The following ASTN2 variants were observed in gnomAD, a reference collection of about 807,000 sequenced individuals.
ASTN2 encodes astrotactin-2.
A neutral mutation model predicts 139.8 loss-of-function variants in ASTN2; 54 were observed. That is an observed-to-expected ratio of 0.39 (90% CI 0.31 to 0.48). The LOEUF (loss-of-function observed/expected upper bound fraction) is 0.48, where lower values mean the gene tolerates loss of function less well. Ranked by LOEUF, ASTN2 falls within the 20% of genes least tolerant of loss-of-function variation. The pLI is 0.95. For missense variants in ASTN2, 1,565 were observed against 1,725.1 expected, an observed-to-expected ratio of 0.91 and a Z score of 1.64; for synonymous variants, 756 against 719.5, an observed-to-expected ratio of 1.05 and a Z score of -0.81.
At chr9:117,392,904 C>T (rs552429883) in intron 1 of ASTN2, among the ~76,000 whole-genome samples, 2 of 152,300 alleles carry the variant, frequency 1.3e-5, no homozygotes, top group African/African-American at 4.8e-5. Context: ...CAGGTCTCTA[C>T]CAGCTGCTCT....
chr9:116,920,567 A>G (rs749372418), intron 10 of ASTN2, among the ~76,000 whole-genome samples: 1 of 152,232 alleles, frequency 6.6e-6, no homozygotes, highest in Non-Finnish European at 1.5e-5. Context: ...ATGCTTTACC[A>G]TGATTTAGGT....
chr9:116,772,237 G>A (rs1829971101), intron 13 of ASTN2, among the ~76,000 whole-genome samples: 1 of 152,152 alleles, frequency 6.6e-6, no homozygotes, highest in South Asian at 2.1e-4. Context: ...TGTCACGGGA[G>A]GGACGTGGTG....
At chr9:116,580,650 T>C (rs906628717) in intron 19 of ASTN2, among the ~76,000 whole-genome samples, 3 of 152,182 alleles carry the variant, frequency 2.0e-5, no homozygotes, top group Non-Finnish European at 4.4e-5. Flanking sequence ...ATGAAAACCA[T>C]AAAAGATCCC....
chr9:116,908,091 G>A lies in ASTN2; in HGVS notation c.1890-44358C>T, dbSNP rs142925184. On this transcript the variant is annotated intron_variant, in intron 10 of 22. Transcript: ENST00000313400. ...AGCATAAAGGCTTGCAGGGTGAGGCGTGTGGGCGAAAAGAAATGACACAGT... is the reference window on the plus strand; with the variant it reads ...AGCATAAAGGCTTGCAGGGTGAGGCATGTGGGCGAAAAGAAATGACACAGT... 2.8e-3 allele frequency among the ~76,000 whole-genome samples: 427 copies of A among 152,274 alleles called. 3 individuals carry two copies. The highest frequency in any genetic ancestry group is 0.014 in the Middle Eastern group (4 of 294).
chr9:117,313,935 C>G (rs1486773442), intron 1 of ASTN2, among the ~76,000 whole-genome samples: 1 of 152,174 alleles, frequency 6.6e-6, no homozygotes, highest in East Asian at 1.9e-4. Context: ...ACACTTACCT[C>G]CATGCTTCCT....
At chr9:117,203,839 G>A (rs1462530684) in intron 3 of ASTN2, among the ~76,000 whole-genome samples, 2 of 152,192 alleles carry the variant, frequency 1.3e-5, no homozygotes, top group East Asian at 1.9e-4. Context: ...CAGTTGGATG[G>A]CATGGAGAGA....
chr9:116,643,956 A>ATGTG (rs1285792288), intron 17 of ASTN2, among the ~76,000 whole-genome samples: 1 of 152,228 alleles, frequency 6.6e-6, no homozygotes, highest in Admixed American at 6.5e-5. Flanking sequence ...TTGAAGGCAC[A>ATGTG]GTCTGTGTCT....
intron 19 of ASTN2, chr9:116,569,008 A>G (rs4836763): frequency 0.16 from 24,202 of 152,178 alleles, 2,099 homozygotes; most frequent in African/African-American, 0.21. Context: ...GGTTGGTCCA[A>G]GGAACAGTAG....
intron 19 of ASTN2, among the ~76,000 whole-genome samples, chr9:116,565,976 C>A (rs1340172238): frequency 1.3e-5 from 2 of 152,174 alleles, no homozygotes; most frequent in Non-Finnish European, 2.9e-5. Flanking sequence ...CTTCCACATC[C>A]AGCAGCCTTC....
chr9:116,616,802 C>T (rs1053730059), intron 19 of ASTN2, among the ~76,000 whole-genome samples: 26 of 151,344 alleles, frequency 1.7e-4, no homozygotes, highest in Admixed American at 1.6e-3. Flanking sequence ...CACACACACA[C>T]ACAAAATACA....
chr9:117,307,070 A>C (rs1200070938), intron 1 of ASTN2, among the ~76,000 whole-genome samples: 2 of 152,210 alleles, frequency 1.3e-5, no homozygotes, highest in East Asian at 3.9e-4. Flanking sequence ...TAGGTACACA[A>C]AAAGCCATGT....
At chr9:116,606,897 G>A (rs1386910139) in intron 19 of ASTN2, among the ~76,000 whole-genome samples, 5 of 152,108 alleles carry the variant, frequency 3.3e-5, no homozygotes, top group Non-Finnish European at 5.9e-5. Flanking sequence ...AATAAATCCA[G>A]AAGCCAGGTT....
rs115510076 is a variant in ASTN2 at position 117,129,132 on chromosome 9, A to T, written c.1168+12194T>A. 4.6e-5 allele frequency among the ~76,000 whole-genome samples: 7 copies of T among 152,298 alleles called. No homozygotes were observed. The East Asian group carries it at 1.4e-3, about 29-fold the overall frequency. ...AGGTCAGATTTCTTTCATTGTCATAATTTTTGTAAAGGTAATTTCAATTTG... is the reference window on the plus strand; with the variant it reads ...AGGTCAGATTTCTTTCATTGTCATATTTTTTGTAAAGGTAATTTCAATTTG... On this transcript the variant is annotated intron_variant, in intron 4 of 22. Transcript: ENST00000313400.
At chr9:117,196,782 A>T (rs921419709) in intron 3 of ASTN2, among the ~76,000 whole-genome samples, 2 of 152,184 alleles carry the variant, frequency 1.3e-5, no homozygotes, top group African/African-American at 2.4e-5. Context: ...AGAGAAAATT[A>T]TGCATATAAA....
intron 17 of ASTN2, among the ~76,000 whole-genome samples, chr9:116,638,168 T>C (rs553637501): frequency 6.6e-6 from 1 of 152,296 alleles, no homozygotes; most frequent in Non-Finnish European, 1.5e-5. Context: ...CAATGAAATG[T>C]AGAGAAGGAG....
chr9:116,742,977 T>C (rs774494353), intron 13 of ASTN2, among the ~76,000 whole-genome samples: 22 of 151,960 alleles, frequency 1.4e-4, no homozygotes, highest in Non-Finnish European at 2.2e-4. Flanking sequence ...CATCCATACC[T>C]CAATGGATGC....
intron 1 of ASTN2, among the ~76,000 whole-genome samples, chr9:117,388,977 T>A (rs374919996): frequency 6.6e-6 from 1 of 152,212 alleles, no homozygotes. Context: ...GATCTGGATC[T>A]CAAGCCAAAC....
At chr9:116,964,324 G>A (rs1469909160) in intron 10 of ASTN2, among the ~76,000 whole-genome samples, 4 of 151,862 alleles carry the variant, frequency 2.6e-5, no homozygotes, top group African/African-American at 7.3e-5. Context: ...GATACGCTAA[G>A]GGAAACATGG....
At chr9:117,107,990 G>A (rs1000962845) in intron 4 of ASTN2, among the ~76,000 whole-genome samples, 2 of 152,148 alleles carry the variant, frequency 1.3e-5, no homozygotes, top group South Asian at 2.1e-4. Context: ...GGAGCAGGAG[G>A]TAAGAAAGGG....
Sources: allele counts gnomAD v4.1 joint callset (sites outside exome capture counted in the v4.1 genomes callset), GRCh38; gene constraint gnomAD v4.1.1; transcripts MANE v1.5; gene names NCBI Gene and HGNC (gene_info 2026-07-23, HGNC 2026-07-21).